MIGA1: variants seen among roughly 807,000 people sequenced by gnomAD.
MIGA1 encodes family with sequence similarity 73, member A.
A neutral mutation model predicts 82.0 loss-of-function variants in MIGA1; 58 were observed. The ratio of observed to expected loss-of-function variants is 0.71; its 90% CI spans 0.57 to 0.88. The LOEUF (loss-of-function observed/expected upper bound fraction) is 0.88, where lower values mean the gene tolerates loss of function less well. Among genes scored for constraint, MIGA1 ranks in the 40% least tolerant of loss-of-function variants. The pLI is 0.00. For synonymous variants in MIGA1, 249 were observed against 253.6 expected, an observed-to-expected ratio of 0.98 and a Z score of 0.17; for missense variants, 751 against 749.1, an observed-to-expected ratio of 1.00 and a Z score of -0.03.
chr1:77,869,937 G>A (rs1210471046), intron 14 of MIGA1, among the ~76,000 whole-genome samples: 2 of 135,524 alleles, frequency 1.5e-5, no homozygotes, highest in Admixed American at 6.9e-5. Context: ...CCTCCCTCCC[G>A]GACGGGGCGG....
chr1:77,797,207 G>A (rs1383493526), intron 2 of MIGA1, among the ~76,000 whole-genome samples: 1 of 152,132 alleles, frequency 6.6e-6, no homozygotes, highest in Non-Finnish European at 1.5e-5. Context: ...AGGGCATCCA[G>A]GTTGTTTCTG....
intron 2 of MIGA1, among the ~76,000 whole-genome samples, chr1:77,797,598 A>G (rs1480713321): frequency 6.6e-6 from 1 of 152,152 alleles, no homozygotes; most frequent in African/African-American, 2.4e-5. Flanking sequence ...CCTATAATCC[A>G]TGAATATGAT....
intron 14 of MIGA1, among the ~76,000 whole-genome samples, chr1:77,870,742 G>A (rs796622679): frequency 0.026 from 3,916 of 150,018 alleles, 62 homozygotes; most frequent in South Asian, 0.099. Flanking sequence ...CGGCTGGGAG[G>A]TGGAGGTTGT....
chr1:77,819,256 A>G (rs1683707315), intron 7 of MIGA1, among the ~76,000 whole-genome samples: 5 of 152,004 alleles, frequency 3.3e-5, no homozygotes, highest in Admixed American at 3.3e-4. Context: ...GGACCCAGTC[A>G]AGCTAGCTTT....
At chr1:77,839,236 T>C (rs1178363425) in intron 7 of MIGA1, among the ~76,000 whole-genome samples, 1 of 151,878 alleles carries the variant, frequency 6.6e-6, no homozygotes, top group African/African-American at 2.4e-5. Flanking sequence ...ATAATAATAA[T>C]AATAACCATT....
chr1:77,782,530 C>T (rs1025872088), intron 1 of MIGA1, among the ~76,000 whole-genome samples: 1 of 152,122 alleles, frequency 6.6e-6, no homozygotes, highest in African/African-American at 2.4e-5. Flanking sequence ...CAACTGGGTA[C>T]AGTGGTAAAA....
chr1:77,791,090 A>C (rs1379769812), intron 2 of MIGA1, among the ~76,000 whole-genome samples: 1 of 152,108 alleles, frequency 6.6e-6, no homozygotes, highest in Non-Finnish European at 1.5e-5. Flanking sequence ...AAAAATAAAA[A>C]TAAATATAAG....
intron 8 of MIGA1, chr1:77,848,652 G>T: frequency 6.4e-7 from 1 of 1,571,032 alleles, no homozygotes; most frequent in South Asian, 1.1e-5. Flanking sequence ...GGCAAGAGAA[G>T]GGTAAAGAAC....
intron 8 of MIGA1, among the ~76,000 whole-genome samples, chr1:77,846,162 G>T (rs904164638): frequency 6.6e-6 from 1 of 151,824 alleles, no homozygotes; most frequent in Non-Finnish European, 1.5e-5. Flanking sequence ...CCAGCCCTTG[G>T]CACCCAATAC....
chr1:77,823,032 G>A (rs1340315972), intron 7 of MIGA1, among the ~76,000 whole-genome samples: 5 of 151,200 alleles, frequency 3.3e-5, no homozygotes, highest in East Asian at 3.9e-4. Context: ...TAGTAGAGAC[G>A]GGGTTTCACC....
intron 2 of MIGA1, among the ~76,000 whole-genome samples, chr1:77,797,602 A>G (rs1682714642): frequency 6.6e-6 from 1 of 152,168 alleles, no homozygotes; most frequent in South Asian, 2.1e-4. Flanking sequence ...TAATCCATGA[A>G]TATGATGTCT....
At chr1:77,872,872 C>A in intron 14 of MIGA1, 132 bp from the exon 15 acceptor site, 1 of 1,097,454 alleles carries the variant, frequency 9.1e-7, no homozygotes, top group South Asian at 1.3e-5. Flanking sequence ...TGTTGCTAGA[C>A]TCTGGTTCTA....
In MIGA1 at chr1:77,844,113, A is replaced by AAAAAATATATAT. The variant is rs1296124524; in HGVS notation, c.996+707_996+708insAAAATATATATA. Among the ~76,000 whole-genome samples the AAAAAATATATAT allele has an allele frequency of 1.0e-4, 9 of 90,128 alleles. No homozygotes were observed. The East Asian group carries it at 2.2e-3, about 22-fold the overall frequency. 59.1% of individuals were successfully genotyped at this position (90,128 alleles called of 152,430 possible). A position where few individuals can be genotyped will look rare whatever the true frequency, so the allele number is the denominator to read the frequency against. On this transcript the variant is annotated intron_variant, in intron 8 of 15. Transcript: ENST00000370791. ...AAGACCCTGTCTTAAAAAAAAAAAA[A>AAAAAATATATAT]ATATATATATATATATATATATATA...
chr1:77,794,232 G>A (rs942006790), intron 2 of MIGA1, among the ~76,000 whole-genome samples: 2 of 152,038 alleles, frequency 1.3e-5, no homozygotes, highest in African/African-American at 4.8e-5. Context: ...GATTAACATT[G>A]TAATCTTAAT....
chr1:77,816,662 G>T (rs1300813645), intron 7 of MIGA1, among the ~76,000 whole-genome samples: 1 of 152,060 alleles, frequency 6.6e-6, no homozygotes, highest in East Asian at 1.9e-4. Context: ...ATTAGCATAG[G>T]CATAATGTTT....
intron 3 of MIGA1, 68 bp downstream of exon 3, chr1:77,801,576 G>A (rs746985675): frequency 5.0e-5 from 67 of 1,336,390 alleles, no homozygotes; most frequent in Non-Finnish European, 6.0e-5. Context: ...AGTGATTTTG[G>A]TCTTTTAGTC....
intron 14 of MIGA1, 98 bp downstream of exon 14, chr1:77,866,489 A>T: frequency 9.5e-7 from 1 of 1,052,564 alleles, no homozygotes; most frequent in Non-Finnish European, 1.5e-6. Flanking sequence ...TGGCAGCTGT[A>T]GGAGGGGTAG....
At chr1:77,809,196 C>T (rs1217233264) in intron 5 of MIGA1, among the ~76,000 whole-genome samples, 1 of 152,086 alleles carries the variant, frequency 6.6e-6, no homozygotes, top group Non-Finnish European at 1.5e-5. Flanking sequence ...AGAGACGCCA[C>T]AGGGGGGTCT....
In MIGA1 at chr1:77,839,195, C is replaced by A. The variant is rs74092304; in HGVS notation, c.896-4112C>A. Among the ~76,000 whole-genome samples the A allele has an allele frequency of 6.8e-3, 1,033 of 151,980 alleles. 10 individuals are homozygous for A. Among genetic ancestry groups the A allele is most frequent in the African/African-American group, 0.024 (990 of 41,428 alleles). ...TCCACCAGTGGTGTGTGAGAGTTTC[C>A]ACTGACCGTACATCCTCGACCAAAA... On this transcript the variant is annotated intron_variant, in intron 7 of 15. Transcript: ENST00000370791.
Sources: gnomAD v4.1 joint callset for allele counts (sites outside exome capture counted in the v4.1 genomes callset) on GRCh38, gnomAD v4.1.1 for gene constraint, MANE v1.5 for transcripts, NCBI Gene and HGNC (gene_info 2026-07-23, HGNC 2026-07-21) for gene names.